The following UBXN2A variants were observed in gnomAD, a reference collection of about 807,000 sequenced individuals.
UBXN2A encodes UBX domain protein 2A, also known as UBX domain-containing protein 2A.
Under a neutral mutation model 28.4 loss-of-function variants are expected in UBXN2A, and 28 were observed. The observed-to-expected ratio is 0.99, with a 90% CI of 0.73 to 1.35. The LOEUF is 1.35. Among genes scored for constraint, UBXN2A ranks in the 40% most tolerant of loss-of-function variants. The pLI, the probability that UBXN2A is intolerant of heterozygous loss-of-function variation, is 0.00. For synonymous variants in UBXN2A, 97 were observed against 103.6 expected (o/e 0.94, Z 0.39); for missense variants, 253 against 297.9 (o/e 0.85, Z 1.11).
intron 1 of UBXN2A, among the ~76,000 whole-genome samples, chr2:23,945,168 G>T (rs1410018941): frequency 6.6e-6 from 1 of 151,980 alleles, no homozygotes; most frequent in Non-Finnish European, 1.5e-5. Flanking sequence ...GGAATGTCTT[G>T]GTCAGCCCTG....
At chr2:23,963,536 A>G (rs1707031303) in intron 2 of UBXN2A, among the ~76,000 whole-genome samples, 1 of 152,038 alleles carries the variant, frequency 6.6e-6, no homozygotes, top group Non-Finnish European at 1.5e-5. Context: ...AATAAGGCAT[A>G]CAACAGGTAT....
rs912171160 is a variant in UBXN2A at position 24,000,314 on chromosome 2, C to T, written c.*447C>T. 1.3e-5 allele frequency: 2 copies of T among 153,522 alleles called. No individual in the cohort carries two copies. The highest frequency in any genetic ancestry group is 4.8e-5 in the African/African-American group (2 of 41,380). 9.5% of individuals were successfully genotyped at this position (153,522 alleles called of 1,614,324 possible). On this transcript the variant is annotated 3_prime_UTR_variant, in exon 7 of 7. Coordinates refer to ENST00000309033, the MANE Select transcript of UBXN2A (RefSeq NM_181713.4). The stretch of plus-strand genomic sequence containing the variant: ...ATCCCAGAACTTCGGGAGGCCGAGA[C>T]AGGCAGATCACGAGGTCAACAGATT...
intron 1 of UBXN2A, among the ~76,000 whole-genome samples, chr2:23,954,535 G>T (rs1706522511): frequency 6.6e-6 from 1 of 152,082 alleles, no homozygotes; most frequent in Non-Finnish European, 1.5e-5. Flanking sequence ...GCGTACCAGG[G>T]TTTCAATTTC....
At chr2:23,944,273 G>C (rs959516754) in intron 1 of UBXN2A, 2 of 1,604,884 alleles carry the variant, frequency 1.2e-6, no homozygotes, top group African/African-American at 2.7e-5. Context: ...GAAAAGGCCT[G>C]AAGATTCCCC....
At chr2:23,948,982 C>T (rs2150812865) in intron 1 of UBXN2A, among the ~76,000 whole-genome samples, 1 of 149,048 alleles carries the variant, frequency 6.7e-6, no homozygotes, top group East Asian at 2.0e-4. Context: ...TCTCTGTCAC[C>T]CAGACTAGAG....
At chr2:23,955,449 TCTCA>T (rs899248439) in intron 1 of UBXN2A, among the ~76,000 whole-genome samples, 2 of 152,228 alleles carry the variant, frequency 1.3e-5, no homozygotes, top group Non-Finnish European at 2.9e-5. Flanking sequence ...TTTCTTTTTC[TCTCA>T]CTCTCTTTCA....
intron 1 of UBXN2A, among the ~76,000 whole-genome samples, chr2:23,928,532 G>T (rs1254184890): frequency 6.7e-6 from 1 of 149,066 alleles, no homozygotes; most frequent in African/African-American, 2.5e-5. Flanking sequence ...AGCCAAGATC[G>T]TGCCACTGCA....
intron 2 of UBXN2A, among the ~76,000 whole-genome samples, chr2:23,964,597 G>A (rs1211684670): frequency 6.6e-6 from 1 of 152,108 alleles, no homozygotes; most frequent in East Asian, 1.9e-4. Flanking sequence ...AGGGGCTAGG[G>A]GAAAGTGAAA....
intron 2 of UBXN2A, among the ~76,000 whole-genome samples, chr2:23,961,038 T>C (rs1399399810): frequency 6.6e-6 from 1 of 152,170 alleles, no homozygotes; most frequent in Non-Finnish European, 1.5e-5. Context: ...CTTAGCATAA[T>C]GTTTTCAAGG....
chr2:23,997,957 GACC>G (rs752194791), intron 6 of UBXN2A, among the ~76,000 whole-genome samples: 63 of 151,100 alleles, frequency 4.2e-4, no homozygotes, highest in Admixed American at 7.9e-4. Context: ...GATTACAGGT[GACC>G]ACCACCACAC....
chr2:23,936,412 G>T (rs1343217810), upstream of UBXN2A, among the ~76,000 whole-genome samples: 1 of 151,988 alleles, frequency 6.6e-6, no homozygotes, highest in Non-Finnish European at 1.5e-5. Flanking sequence ...AATTCATAGA[G>T]ACAGAAAGTA....
intron 6 of UBXN2A, among the ~76,000 whole-genome samples, chr2:23,992,032 C>T (rs1486800104): frequency 1.3e-5 from 2 of 152,088 alleles, no homozygotes; most frequent in African/African-American, 2.4e-5. Context: ...AATGCAGTGG[C>T]GCAATCTCAG....
chr2:23,988,154 T>C (rs1336844515), intron 6 of UBXN2A, among the ~76,000 whole-genome samples: 5 of 151,904 alleles, frequency 3.3e-5, no homozygotes, highest in Non-Finnish European at 7.4e-5. Context: ...GAAAAAACTT[T>C]TCTCCCTAAG....
Position 23,958,345 on chromosome 2 carries a change from AAAG to A in UBXN2A, c.37_39del (p.Glu13del). 6.2e-7 allele frequency: 1 copy of A among 1,606,134 alleles called. No individual in the cohort carries two copies. Among genetic ancestry groups the A allele is most frequent in the East Asian group, 2.2e-5 (1 of 44,510 alleles). ...AGACGTAGATAACCTCAAAAGTATA[AAAG>A]AAGAATGGTAAGTTAATTCAAACTG... On this transcript the variant is annotated inframe_deletion, in exon 2 of 7. Transcript: ENST00000309033.
rs1158153972 is a variant in UBXN2A, at chr2:23,999,867, A to C, written c.780A>C (p.Ter260CysextTer5). Reference sequence around the variant, plus strand: ...CTTTTAGAGAACTTTCAGAGCACTGATTTTTGATAGACTAAGTGGAAAATT... The same window carrying C: ...CTTTTAGAGAACTTTCAGAGCACTGCTTTTTGATAGACTAAGTGGAAAATT... ...TASFRELSEH* is the reference protein window; with the variant it reads ...TASFRELSEHC The change falls in exon 7 of 7, where the codon TGA (stop) becomes TGC (cysteine). Residue 260 changes from the stop codon to cysteine (C), a stop_lost. Coordinates refer to ENST00000309033, the MANE Select transcript of UBXN2A (RefSeq NM_181713.4). The C allele has an allele frequency of 6.2e-7, 1 of 1,607,920 alleles. No individual in the cohort carries two copies. The highest frequency in any genetic ancestry group is 8.5e-7 in the Non-Finnish European group (1 of 1,177,314).
chr2:23,933,929 C>A (rs1277571872), intron 1 of UBXN2A, among the ~76,000 whole-genome samples: 2 of 151,930 alleles, frequency 1.3e-5, no homozygotes, highest in African/African-American at 4.8e-5. Context: ...GAACTATTGA[C>A]ATTAGGCCGG....
chr2:23,952,647 G>A (rs1706430844), intron 1 of UBXN2A, among the ~76,000 whole-genome samples: 1 of 149,056 alleles, frequency 6.7e-6, no homozygotes, highest in African/African-American at 2.4e-5. Flanking sequence ...GTTTCACCAT[G>A]TTGGCCAGGC....
intron 6 of UBXN2A, among the ~76,000 whole-genome samples, chr2:23,986,589 C>T (rs977160688): frequency 1.3e-5 from 2 of 151,248 alleles, no homozygotes; most frequent in African/African-American, 4.9e-5. Flanking sequence ...TGCATTTTTC[C>T]AGTCTTTTAT....
intron 1 of UBXN2A, among the ~76,000 whole-genome samples, chr2:23,931,048 TCTCAGCTA>T (rs986952240): frequency 5.9e-5 from 9 of 151,900 alleles, no homozygotes; most frequent in Non-Finnish European, 1.0e-4. Context: ...GCACCTGTAA[TCTCAGCTA>T]CTCAGCTACT....
Sources: gnomAD v4.1 joint callset for allele counts (sites outside exome capture counted in the v4.1 genomes callset) on GRCh38, gnomAD v4.1.1 for gene constraint, MANE v1.5 for transcripts, NCBI Gene and HGNC (gene_info 2026-07-23, HGNC 2026-07-21) for gene names.